Variants in TPM1 observed in about 807,000 individuals in gnomAD.
TPM1 encodes tropomyosin 1.
TPM1 carries 24 observed loss-of-function variants against 42.9 expected under a neutral mutation model. The observed-to-expected ratio is 0.56, with a 90% CI of 0.41 to 0.79. The LOEUF is 0.79. Ranked by LOEUF, TPM1 falls within the 30% of genes least tolerant of loss-of-function variation. The pLI is 0.00. For missense variants in TPM1, 158 were observed against 351.8 expected (o/e 0.45, Z 4.41); for synonymous variants, 136 against 130.1 (o/e 1.05, Z -0.31).
At chr15:63,064,315 A>G (rs143153886) in intron 9 of TPM1, 173 bp downstream of exon 9, 418 of 1,509,064 alleles carry the variant, frequency 2.8e-4, no homozygotes, top group Middle Eastern at 1.6e-3. Flanking sequence ...ATAAAGGCCA[A>G]TTAGATTAAG....
At chr15:63,046,269 A>G (rs540739827) in intron 2 of TPM1, 1 of 152,340 alleles carries the variant, frequency 6.6e-6, no homozygotes, top group South Asian at 2.1e-4. Context: ...TGACCAAAAC[A>G]TCATTATGCA....
intron 2 of TPM1, among the ~76,000 whole-genome samples, chr15:63,053,654 G>A (rs2034289649): frequency 6.6e-6 from 1 of 151,062 alleles, no homozygotes; most frequent in Admixed American, 6.6e-5. Context: ...AATCTCTAGG[G>A]ACACGGCCTG....
chr15:63,071,255 T>G (rs1237045630), exon 9 of TPM1: 14 of 1,432,588 alleles, frequency 9.8e-6, no homozygotes, highest in Non-Finnish European at 1.4e-5. Flanking sequence ...ATGCAATTTA[T>G]TTACTTTTAC....
At chr15:63,055,747 A>T (rs1278984407) in intron 2 of TPM1, 2 of 152,208 alleles carry the variant, frequency 1.3e-5, no homozygotes, top group Non-Finnish European at 2.9e-5. Flanking sequence ...TTCAAAGTGG[A>T]TGAGGATATT....
chr15:63,044,241 T>A lies in TPM1; in HGVS notation c.240+89T>A, dbSNP rs1379012273. The A allele has an allele frequency of 1.9e-6, 3 of 1,603,596 alleles. No homozygotes were observed. The African/African-American group carries it at 4.0e-5, about 21-fold the overall frequency. On this transcript the variant is annotated intron_variant, in intron 2 of 9. Coordinates refer to ENST00000403994, the MANE Select transcript of TPM1 (RefSeq NM_001018005.2). ...AGGGCTGGAGAGCAATGAAGGAAGT[T>A]TACCTTTTCCTGCTGGACACCTGCA...
intron 2 of TPM1, among the ~76,000 whole-genome samples, chr15:63,052,867 G>A (rs990924338): frequency 6.6e-6 from 1 of 151,996 alleles, no homozygotes; most frequent in Non-Finnish European, 1.5e-5. Context: ...GTAAAAATAA[G>A]AAAGAGAAAA....
At chr15:63,052,337 A>T (rs1241110726) in intron 2 of TPM1, among the ~76,000 whole-genome samples, 1 of 152,200 alleles carries the variant, frequency 6.6e-6, no homozygotes. Context: ...AGCCTAGCCA[A>T]CATGGCAAAA....
intron 1 of TPM1, 61 bp downstream of exon 1, chr15:63,043,004 C>A: frequency 1.4e-6 from 2 of 1,449,144 alleles, no homozygotes; most frequent in Non-Finnish European, 9.5e-7. Flanking sequence ...CCTGGCACCC[C>A]CGGCTGGATC....
intron 2 of TPM1, chr15:63,047,145 C>G (rs780755041): frequency 6.6e-6 from 1 of 152,286 alleles, no homozygotes; most frequent in Non-Finnish European, 1.5e-5. Context: ...CCCCACCTGA[C>G]CAGATGAACC....
At chr15:63,064,166 G>A (rs545855193) in intron 9 of TPM1, 24 bp downstream of exon 9, 1 of 1,610,618 alleles carries the variant, frequency 6.2e-7, no homozygotes, top group African/African-American at 1.3e-5. Context: ...CACTCTGCCT[G>A]CTTACACCCT....
chr15:63,043,806 T>A (rs2031759437), intron 1 of TPM1: 1 of 1,549,152 alleles, frequency 6.5e-7, no homozygotes, highest in East Asian at 2.4e-5. Context: ...GACAGCCTCC[T>A]GGCCGCCGAA....
chr15:63,069,817 A>C, downstream of TPM1: 1 of 1,612,236 alleles, frequency 6.2e-7, no homozygotes, highest in Non-Finnish European at 8.5e-7. Flanking sequence ...CAAGTCTGCT[A>C]ACCTGTCTTC....
intron 2 of TPM1, among the ~76,000 whole-genome samples, chr15:63,053,673 A>ATTTTTT (rs397853689): frequency 1.1e-4 from 8 of 75,100 alleles, no homozygotes; most frequent in Non-Finnish European, 2.1e-4. Flanking sequence ...TGGAAGTTTG[A>ATTTTTT]TTTTTTTTTT....
rs746945498 is a variant in TPM1, at chr15:63,044,161, A to G, written c.240+9A>G. On this transcript the variant is annotated intron_variant, in intron 2 of 9. Coordinates refer to ENST00000403994, the MANE Select transcript of TPM1 (RefSeq NM_001018005.2). ...AGAAAAAGGCCACCGATGTAAGTGCACGCTCACACTGCTTCCCTCACCTCT... is the reference window on the plus strand; with the variant it reads ...AGAAAAAGGCCACCGATGTAAGTGCGCGCTCACACTGCTTCCCTCACCTCT... The G allele has an allele frequency of 6.2e-7, 1 of 1,614,208 alleles. No homozygotes were observed. Among genetic ancestry groups the G allele is most frequent in the Non-Finnish European group, 8.5e-7 (1 of 1,180,038 alleles).
chr15:63,062,127 G>A, intron 6 of TPM1, 88 bp from the exon 7 acceptor site: 2 of 1,182,910 alleles, frequency 1.7e-6, no homozygotes, highest in East Asian at 4.7e-5. Context: ...CTTAACATCT[G>A]TTGGCTGAGC....
chr15:63,047,814 G>A (rs1266068821), intron 2 of TPM1: 1 of 175,270 alleles, frequency 5.7e-6, no homozygotes, highest in Non-Finnish European at 1.2e-5. Flanking sequence ...GCAGCCCCAT[G>A]GGGAAAGTAC....
intron 1 of TPM1, 52 bp downstream of exon 1, chr15:63,042,995 C>CGGGGG: frequency 6.7e-7 from 1 of 1,493,026 alleles, no homozygotes; most frequent in East Asian, 2.4e-5. Flanking sequence ...GGACTCGAGC[C>CGGGGG]TGGCACCCCC....
At chr15:63,054,655 A>C (rs2034496442) in intron 2 of TPM1, 1 of 152,232 alleles carries the variant, frequency 6.6e-6, no homozygotes, top group South Asian at 2.1e-4. Flanking sequence ...GCTACAAAAA[A>C]GTTTTGAAAA....
At chr15:63,051,584 C>T (rs2033885161) in intron 2 of TPM1, among the ~76,000 whole-genome samples, 1 of 151,646 alleles carries the variant, frequency 6.6e-6, no homozygotes, top group South Asian at 2.1e-4. Flanking sequence ...AGAAGTTTAG[C>T]TTGGCTGTGG....
Sources: allele counts gnomAD v4.1 joint callset (sites outside exome capture counted in the v4.1 genomes callset), GRCh38; gene constraint gnomAD v4.1.1; transcripts MANE v1.5; gene names NCBI Gene and HGNC (gene_info 2026-07-23, HGNC 2026-07-21).